Variants in RANBP2 observed in about 807,000 individuals in gnomAD.
The protein encoded by RANBP2 is E3 SUMO-protein ligase RanBP2.
A neutral mutation model predicts 303.6 loss-of-function variants in RANBP2; 57 were observed. The observed-to-expected ratio is 0.19, with a 90% CI of 0.15 to 0.23. The LOEUF is 0.23. Ranked by LOEUF, RANBP2 falls within the 10% of genes least tolerant of loss-of-function variation. The pLI is 1.00. For missense variants in RANBP2, 3,138 were observed against 3,780.8 expected, an observed-to-expected ratio of 0.83 and a Z score of 4.46; for synonymous variants, 1,167 against 1,301.5, an observed-to-expected ratio of 0.90 and a Z score of 2.23.
At chr2:109,687,094 TC>T in the RANBP2 span, among the ~76,000 whole-genome samples, 1 of 152,260 alleles carries the variant, frequency 6.6e-6, no homozygotes, top group East Asian at 1.9e-4. Context: ...TACAGCCTCT[TC>T]CCCCGCATAG....
the RANBP2 span, among the ~76,000 whole-genome samples, chr2:109,678,031 G>A: frequency 2.1e-3 from 316 of 152,270 alleles, no homozygotes; most frequent in African/African-American, 6.1e-3. Context: ...CCCGCAGCAG[G>A]GGGGTCGCAC....
At chr2:108,838,292 A>G in the RANBP2 span, among the ~76,000 whole-genome samples, 1 of 152,198 alleles carries the variant, frequency 6.6e-6, no homozygotes, top group Non-Finnish European at 1.5e-5. Flanking sequence ...AAGGTTTTTT[A>G]AGACGTCCAA....
At chr2:109,722,989 T>A in the RANBP2 span, among the ~76,000 whole-genome samples, 1 of 152,202 alleles carries the variant, frequency 6.6e-6, no homozygotes, top group Non-Finnish European at 1.5e-5. Flanking sequence ...TACCCAGTAA[T>A]GGGATTGCTG....
intron 18 of RANBP2, among the ~76,000 whole-genome samples, chr2:108,759,877 A>T (rs1676603668): frequency 6.6e-6 from 1 of 152,148 alleles, no homozygotes; most frequent in African/African-American, 2.4e-5. Flanking sequence ...CTGTTCTTAT[A>T]CAAGCATGTA....
the RANBP2 span, among the ~76,000 whole-genome samples, chr2:108,828,519 TAGAATGG>T: frequency 6.6e-6 from 1 of 152,182 alleles, no homozygotes; most frequent in Admixed American, 6.5e-5. Context: ...ACCAATGGGA[TAGAATGG>T]AGAGCCCAAT....
At position 108,731,314 on chromosome 2, in the gene RANBP2, G is replaced by C; in HGVS notation, c.253-8G>C. 7 of 1,610,272 alleles carry C rather than the reference G, an allele frequency of 4.3e-6. No homozygotes were observed. Among genetic ancestry groups the C allele is most frequent in the Non-Finnish European group, 5.9e-6 (7 of 1,179,068 alleles). ...TTTACTAATCTTTAATTTCTTTTCTGATATTAGCGTTCAGTGGAATTAAAC... is the reference window on the plus strand; with the variant it reads ...TTTACTAATCTTTAATTTCTTTTCTCATATTAGCGTTCAGTGGAATTAAAC... On this transcript the variant is annotated splice_region_variant and splice_polypyrimidine_tract_variant and intron_variant, in intron 3 of 28. Coordinates refer to ENST00000283195, the MANE Select transcript of RANBP2 (RefSeq NM_006267.5).
chr2:109,666,804 G>A, the RANBP2 span, among the ~76,000 whole-genome samples: 26 of 152,302 alleles, frequency 1.7e-4, no homozygotes, highest in African/African-American at 6.0e-4. Flanking sequence ...CCAAAGACAA[G>A]GTCTGAATTT....
At chr2:108,941,795 G>A in the RANBP2 span, among the ~76,000 whole-genome samples, 1 of 152,238 alleles carries the variant, frequency 6.6e-6, no homozygotes, top group Non-Finnish European at 1.5e-5. Flanking sequence ...AACAGCCCAT[G>A]TGTGAGGCCC....
chr2:108,927,324 G>C, the RANBP2 span, among the ~76,000 whole-genome samples: 7 of 152,212 alleles, frequency 4.6e-5, no homozygotes, highest in African/African-American at 1.4e-4. Context: ...TCCAGCACTG[G>C]AAAGAATGTT....
At chr2:108,880,659 A>G in the RANBP2 span, among the ~76,000 whole-genome samples, 1 of 152,136 alleles carries the variant, frequency 6.6e-6, no homozygotes, top group Non-Finnish European at 1.5e-5. Context: ...GTACTCTATA[A>G]ATGGAAGAAC....
the RANBP2 span, among the ~76,000 whole-genome samples, chr2:109,144,793 T>C: frequency 6.6e-6 from 1 of 152,208 alleles, no homozygotes; most frequent in Non-Finnish European, 1.5e-5. Flanking sequence ...GGCTGGAGCC[T>C]GAGCCACAGC....
intron 6 of RANBP2, among the ~76,000 whole-genome samples, chr2:108,738,078 T>A (rs1695760151): frequency 6.7e-6 from 1 of 149,378 alleles, no homozygotes; most frequent in African/African-American, 2.5e-5. Context: ...CAGGTTGGTC[T>A]CAATCTTTTT....
the RANBP2 span, among the ~76,000 whole-genome samples, chr2:109,031,672 G>A: frequency 2.0e-5 from 3 of 152,154 alleles, no homozygotes; most frequent in African/African-American, 7.2e-5. Flanking sequence ...GGAGAGCGCC[G>A]CTTCAGCGTC....
the RANBP2 span, among the ~76,000 whole-genome samples, chr2:109,379,767 C>T: frequency 6.6e-5 from 10 of 152,106 alleles, no homozygotes; most frequent in Non-Finnish European, 1.2e-4. Context: ...TTTGTAAAGC[C>T]CTCCTGCAGG....
chr2:109,630,883 T>C, the RANBP2 span, among the ~76,000 whole-genome samples: 1 of 152,078 alleles, frequency 6.6e-6, no homozygotes, highest in Non-Finnish European at 1.5e-5. Context: ...CTGGCCAACA[T>C]GGCGAAAACC....
At chr2:108,994,925 G>A in the RANBP2 span, among the ~76,000 whole-genome samples, 8 of 150,610 alleles carry the variant, frequency 5.3e-5, no homozygotes, top group Admixed American at 5.3e-4. Flanking sequence ...CACCTCCCGG[G>A]TTCACGCCAT....
chr2:109,301,421 C>G, the RANBP2 span, among the ~76,000 whole-genome samples: 1 of 151,964 alleles, frequency 6.6e-6, no homozygotes, highest in East Asian at 1.9e-4. Context: ...ATGTAGTCTC[C>G]CCTGCATTCC....
the RANBP2 span, among the ~76,000 whole-genome samples, chr2:109,240,913 C>T: frequency 6.6e-6 from 1 of 151,338 alleles, no homozygotes; most frequent in South Asian, 2.1e-4. Context: ...TTGCTCCCCG[C>T]TTCTTTTCTC....
the RANBP2 span, among the ~76,000 whole-genome samples, chr2:108,842,831 A>G: frequency 6.6e-6 from 1 of 152,238 alleles, no homozygotes; most frequent in Non-Finnish European, 1.5e-5. Context: ...TCAAATTATA[A>G]GCATTCACTA....
Sources: gnomAD v4.1 joint callset for allele counts (sites outside exome capture counted in the v4.1 genomes callset) on GRCh38, gnomAD v4.1.1 for gene constraint, MANE v1.5 for transcripts, NCBI Gene and HGNC (gene_info 2026-07-23, HGNC 2026-07-21) for gene names.